Variants in RBM5 observed in about 807,000 individuals in gnomAD.
RBM5 encodes RNA-binding protein 5.
A neutral mutation model predicts 124.6 loss-of-function variants in RBM5; 15 were observed. The observed-to-expected ratio is 0.12, with a 90% CI of 0.08 to 0.19. The LOEUF is 0.19. RBM5 is among the 10% of genes least tolerant of loss of function. The pLI, the probability that RBM5 is intolerant of heterozygous loss-of-function variation, is 1.00. For missense variants in RBM5, 580 were observed against 1,026.5 expected (o/e 0.57, Z 5.94); for synonymous variants, 337 against 361.2 (o/e 0.93, Z 0.76).
rs1559700361 is a variant in RBM5 at position 50,117,491 on chromosome 3, A to C, written c.2322+112A>C. On this transcript the variant is annotated intron_variant, in intron 24 of 24. Coordinates refer to ENST00000347869, the MANE Select transcript of RBM5 (RefSeq NM_005778.4). This position sits in a 1 kb window ranked among gnomAD's most constrained non-coding sequence, Gnocchi z 4.2. The stretch of plus-strand genomic sequence containing the variant: ...CCAGGAGCAGCTTTACCTTAGCATG[A>C]AGGGGCAGATTACAGGCATGAGCTC... 6.9e-7 allele frequency: 1 copy of C among 1,454,516 alleles called. No homozygotes were observed. The highest frequency in any genetic ancestry group is 9.4e-7 in the Non-Finnish European group (1 of 1,068,852). The allele number at this position is 1,454,516 out of a possible 1,614,324, so 90.1% of individuals were successfully genotyped here.
Position 50,103,123 on chromosome 3 carries a change from A to G in RBM5, c.524A>G (p.Tyr175Cys). 6.2e-7 allele frequency: 1 copy of G among 1,613,002 alleles called. No homozygotes were observed. The highest frequency in any genetic ancestry group is 8.5e-7 in the Non-Finnish European group (1 of 1,178,956). ...VIQGKHIAMH[Y>C]SNPRPKFEDW... The stretch of plus-strand genomic sequence containing the variant: ...CAAGGAAAGCACATTGCAATGCATT[A>G]TAGCAATCCCAGACCTAAGTTTGAA... The change falls in exon 7 of 25, where the codon TAT becomes TGT. Residue 175 changes from tyrosine (Y) to cysteine (C), a missense_variant. Coordinates refer to ENST00000347869, the MANE Select transcript of RBM5 (RefSeq NM_005778.4).
rs2091045507 is a variant in RBM5 at position 50,106,992 on chromosome 3, G to A, written c.953+128G>A. 1.9e-5 allele frequency: 15 copies of A among 803,026 alleles called. 2 individuals are homozygous for A. The South Asian group carries it at 2.1e-4, about 11-fold the overall frequency. The allele number at this position is 803,026 out of a possible 1,614,324, so 49.7% of individuals were successfully genotyped here. On this transcript the variant is annotated intron_variant, in intron 11 of 24. Coordinates refer to ENST00000347869, the MANE Select transcript of RBM5 (RefSeq NM_005778.4). ...TGATCCTCCCTGATTGCCAAGGCCA[G>A]GAGGGACACGTTTGTCTTCTTTTAG...
intron 4 of RBM5, among the ~76,000 whole-genome samples, chr3:50,099,071 G>T (rs150514588): frequency 6.6e-6 from 1 of 151,952 alleles, no homozygotes; most frequent in African/African-American, 2.4e-5. Context: ...CCTGGGCAAC[G>T]TGGCAAAACT....
chr3:50,117,470 G>A lies in RBM5; in HGVS notation c.2322+91G>A. 1.3e-6 allele frequency: 2 copies of A among 1,555,340 alleles called. No homozygotes were observed. Among genetic ancestry groups the A allele is most frequent in the East Asian group, 2.3e-5 (1 of 44,240 alleles). On this transcript the variant is annotated intron_variant, in intron 24 of 24. Transcript: ENST00000347869. The surrounding 1 kb of genome is among the most constrained non-coding windows in gnomAD (Gnocchi z 4.2). Reference sequence around the variant, plus strand: ...AGCACTCATAGAGCCTGGGAGCCAGGAGCAGCTTTACCTTAGCATGAAGGG... The same window carrying A: ...AGCACTCATAGAGCCTGGGAGCCAGAAGCAGCTTTACCTTAGCATGAAGGG...
chr3:50,112,258 A>G (rs12639388), intron 17 of RBM5: 1 of 148,952 alleles, frequency 6.7e-6, no homozygotes, highest in African/African-American at 2.5e-5. Context: ...AAAAAAAAAT[A>G]CAAAAAAATT....
chr3:50,100,184 G>A lies in RBM5; in HGVS notation c.409+133G>A, dbSNP rs760263864. ...GAAAGGTTTGCCATGGCTAAGGAATGTGACTCTTTGAAAACCATGTTAGCA... is the reference window on the plus strand; with the variant it reads ...GAAAGGTTTGCCATGGCTAAGGAATATGACTCTTTGAAAACCATGTTAGCA... On this transcript the variant is annotated intron_variant, in intron 5 of 24. Transcript: ENST00000347869. The surrounding 1 kb of genome is among the most constrained non-coding windows in gnomAD (Gnocchi z 5.1). 2 of 841,266 alleles carry A rather than the reference G, an allele frequency of 2.4e-6. No homozygotes were observed. The highest frequency in any genetic ancestry group is 3.6e-6 in the Non-Finnish European group (2 of 548,040). 52.1% of individuals were successfully genotyped at this position (841,266 alleles called of 1,614,324 possible). A position where few individuals can be genotyped will look rare whatever the true frequency, so the allele number is the denominator to read the frequency against.
At chr3:50,103,309 C>T in intron 7 of RBM5, 143 bp downstream of exon 7, 2 of 685,352 alleles carry the variant, frequency 2.9e-6, no homozygotes. Flanking sequence ...CTTGGGTCCT[C>T]CTACACTGGT....
chr3:50,105,619 G>A lies in RBM5; in HGVS notation c.765G>A (p.Ala255=), dbSNP rs777250764. 9 of 1,614,028 alleles carry A rather than the reference G, an allele frequency of 5.6e-6. No individual in the cohort carries two copies. The highest frequency in any genetic ancestry group is 5.0e-5 in the Admixed American group (3 of 59,994). ...DSIMTALSPY[A]SLAVNNIRLI... is the part of the protein sequence containing the mutation. The stretch of plus-strand genomic sequence containing the variant: ...TCATGACAGCACTGTCTCCTTACGC[G>A]TCTTTAGCTGTCAATAACATCCGCC... The change falls in exon 10 of 25, where the codon GCG becomes GCA. Residue 255 remains alanine, a synonymous_variant. Transcript: ENST00000347869.
chr3:50,103,333 A>G (rs1476505102), intron 7 of RBM5, among the ~76,000 whole-genome samples, 167 bp downstream of exon 7: 1 of 152,196 alleles, frequency 6.6e-6, no homozygotes, highest in Non-Finnish European at 1.5e-5. Context: ...AGATGATAGA[A>G]CTAGAGGTTT....
chr3:50,104,475 C>A, intron 8 of RBM5, 167 bp downstream of exon 8: 1 of 633,424 alleles, frequency 1.6e-6, no homozygotes, highest in Non-Finnish European at 2.8e-6. Flanking sequence ...CCTGCCTGTA[C>A]AAAAAAAGAA....
chr3:50,107,136 G>C, intron 11 of RBM5: 1 of 671,180 alleles, frequency 1.5e-6, no homozygotes, highest in Non-Finnish European at 2.7e-6. Flanking sequence ...AACTGCAGCA[G>C]TATAGTGCTA....
chr3:50,111,289 C>T (rs1219146845), intron 17 of RBM5, among the ~76,000 whole-genome samples: 1 of 152,206 alleles, frequency 6.6e-6, no homozygotes, highest in African/African-American at 2.4e-5. Context: ...GTGTAACTGT[C>T]ACCACTGTCT....
Position 50,105,098 on chromosome 3 carries a change from C to T in RBM5, c.650C>T (p.Pro217Leu), listed in dbSNP as rs746031203. Residue 217 changes from proline to leucine, a missense_variant, in exon 9 of 25, where the codon CCT (proline) becomes CTT (leucine). By Grantham distance (98) the Pro-to-Leu change is moderately conservative. Around this residue, in one of 6 missense-constraint regions of RBM5, gnomAD observed 101 missense variants for 223.2 expected, o/e 0.45. Transcript: ENST00000347869. ...DKFDSEQEVP[P>L]GTTESVQSVD... ...CTAGACTCTGAACAGGAAGTGCCTC[C>T]TGGAACCACAGAGTCGGTTCAGTCT... 3 of 1,595,114 alleles carry T rather than the reference C, an allele frequency of 1.9e-6. No individual in the cohort carries two copies. The highest frequency in any genetic ancestry group is 2.6e-6 in the Non-Finnish European group (3 of 1,163,184).
rs764593998 is a variant in RBM5, at chr3:50,108,160, TAGC to T, written c.1119+18_1119+20del. The stretch of plus-strand genomic sequence containing the variant: ...CCAATATGCTCAGGTAGGTAGATTT[TAGC>T]AGCATCCACCTTATAGTCTTGCAGA... On this transcript the variant is annotated intron_variant, in intron 13 of 24. Coordinates refer to ENST00000347869, the MANE Select transcript of RBM5 (RefSeq NM_005778.4). 1 of 1,606,098 alleles carries T rather than the reference TAGC, an allele frequency of 6.2e-7. No homozygotes were observed. The highest frequency in any genetic ancestry group is 8.5e-7 in the Non-Finnish European group (1 of 1,172,652).
intron 4 of RBM5, among the ~76,000 whole-genome samples, chr3:50,095,206 C>T (rs141313457): frequency 1.3e-5 from 2 of 151,940 alleles, no homozygotes; most frequent in African/African-American, 4.8e-5. Context: ...GTCTCAAAAA[C>T]AAAAAGAAGT....
At chr3:50,096,962 G>A (rs2090830345) in intron 4 of RBM5, among the ~76,000 whole-genome samples, 1 of 152,114 alleles carries the variant, frequency 6.6e-6, no homozygotes, top group Non-Finnish European at 1.5e-5. Flanking sequence ...GAATAGAAAG[G>A]TACTGAATCT....
intron 7 of RBM5, among the ~76,000 whole-genome samples, chr3:50,103,956 C>T (rs548956685): frequency 6.6e-6 from 1 of 152,158 alleles, no homozygotes; most frequent in African/African-American, 2.4e-5. Flanking sequence ...TCTGTTGATA[C>T]AAGGAAGAGC....
chr3:50,106,690 C>T (rs2091039642), intron 10 of RBM5, 77 bp from the exon 11 acceptor site: 1 of 1,048,314 alleles, frequency 9.5e-7, no homozygotes, highest in Non-Finnish European at 1.4e-6. Context: ...TAGAAAACTA[C>T]TTCTTTGAAT....
intron 3 of RBM5, chr3:50,092,977 A>T (rs1233105045): frequency 8.4e-6 from 1 of 119,436 alleles, no homozygotes; most frequent in Non-Finnish European, 1.6e-5. Flanking sequence ...TTTTTGAGAC[A>T]GCTTTTTAGT....
Sources: gnomAD v4.1 joint callset for allele counts (sites outside exome capture counted in the v4.1 genomes callset) on GRCh38, gnomAD v4.1.1 for gene constraint, gnomAD v4.1.1 regional missense constraint, Gnocchi (gnomAD v3.1) non-coding constraint, MANE v1.5 for transcripts, NCBI Gene and HGNC (gene_info 2026-07-23, HGNC 2026-07-21) for gene names.